The following PDE3A variants were observed in gnomAD, a reference collection of about 807,000 sequenced individuals.
PDE3A encodes cGMP-inhibited 3',5'-cyclic phosphodiesterase 3A.
In PDE3A, 43 loss-of-function variants were observed where a neutral mutation model predicts 98.3. The observed-to-expected ratio is 0.44, with a 90% CI of 0.34 to 0.56. PDE3A has a LOEUF of 0.56. PDE3A is among the 20% of genes least tolerant of loss of function. The pLI, the probability that PDE3A is intolerant of heterozygous loss-of-function variation, is 0.01. For missense variants in PDE3A, 1,427 were observed against 1,440.7 expected (o/e 0.99, Z 0.15); for synonymous variants, 663 against 567.9 (o/e 1.17, Z -2.38).
chr12:20,511,122 TTTGG>T (rs766571307), intron 1 of PDE3A, among the ~76,000 whole-genome samples: 13 of 151,994 alleles, frequency 8.6e-5, no homozygotes, highest in Non-Finnish European at 1.6e-4. Flanking sequence ...ACATTTTCAG[TTTGG>T]TTGATGGCAT....
chr12:20,686,056 T>C lies in PDE3A; in HGVS notation c.*5785T>C, dbSNP rs1945952758. On this transcript the variant is annotated 3_prime_UTR_variant, in exon 16 of 16. Transcript: ENST00000359062. ...TCACATAATCAGAACTGTAAACTAC[T>C]GATTATTTTCATATACTCAGAGGCT... Among the ~76,000 whole-genome samples, 1 of 152,210 alleles carries C rather than the reference T, an allele frequency of 6.6e-6. No homozygotes were observed. The highest frequency in any genetic ancestry group is 2.4e-5 in the African/African-American group (1 of 41,468).
intron 1 of PDE3A, among the ~76,000 whole-genome samples, chr12:20,525,471 G>GC (rs926890124): frequency 2.7e-5 from 4 of 147,980 alleles, no homozygotes; most frequent in Non-Finnish European, 6.0e-5. Context: ...TTTGGTTGGG[G>GC]GGGGGGGCTT....
At chr12:20,661,767 G>A (rs1277657881) in intron 15 of PDE3A, among the ~76,000 whole-genome samples, 1 of 152,194 alleles carries the variant, frequency 6.6e-6, no homozygotes, top group Non-Finnish European at 1.5e-5. Context: ...GAAATGCTTG[G>A]ATGATCAGGC....
intron 8 of PDE3A, among the ~76,000 whole-genome samples, chr12:20,635,699 G>A (rs1194717760): frequency 6.7e-6 from 1 of 149,088 alleles, no homozygotes; most frequent in Admixed American, 6.7e-5. Context: ...GTTGCAGTGA[G>A]CTGAGATCAT....
intron 1 of PDE3A, among the ~76,000 whole-genome samples, chr12:20,467,170 G>T (rs569254828): frequency 6.6e-6 from 1 of 152,154 alleles, no homozygotes; most frequent in East Asian, 1.9e-4. Flanking sequence ...TGAGTTCTTA[G>T]TTATTGGTTG....
At chr12:20,442,923 G>T (rs1014505123) in intron 1 of PDE3A, among the ~76,000 whole-genome samples, 4 of 151,922 alleles carry the variant, frequency 2.6e-5, no homozygotes, top group Admixed American at 6.6e-5. Flanking sequence ...ACAGAAAATA[G>T]GTTGCATTAT....
intron 8 of PDE3A, among the ~76,000 whole-genome samples, chr12:20,635,836 C>T (rs936909162): frequency 1.3e-5 from 2 of 151,660 alleles, no homozygotes; most frequent in Non-Finnish European, 2.9e-5. Flanking sequence ...TGTATTACAG[C>T]CCTTCCCATA....
At chr12:20,445,859 C>A (rs996754205) in intron 1 of PDE3A, among the ~76,000 whole-genome samples, 1 of 152,030 alleles carries the variant, frequency 6.6e-6, no homozygotes, top group Non-Finnish European at 1.5e-5. Context: ...TCATTCATAC[C>A]GTACATCTCC....
intron 1 of PDE3A, among the ~76,000 whole-genome samples, chr12:20,544,277 A>G (rs1477418693): frequency 6.6e-6 from 1 of 151,402 alleles, no homozygotes; most frequent in Non-Finnish European, 1.5e-5. Flanking sequence ...ACAGAAATGA[A>G]AAATTTGTAT....
intron 10 of PDE3A, among the ~76,000 whole-genome samples, chr12:20,640,537 G>A (rs775571242): frequency 1.3e-5 from 2 of 151,964 alleles, no homozygotes; most frequent in Non-Finnish European, 2.9e-5. Context: ...ATGGAAAAAT[G>A]ATAAGAAACA....
rs1404141523 is a variant in PDE3A at position 20,548,416 on chromosome 12, AT to A, written c.961-8238del. The stretch of plus-strand genomic sequence containing the variant: ...AGTAATCATAAACTAGCCAGAGGGT[AT>A]TTTTTATAGATGGTGAGAGACAAAC... On this transcript the variant is annotated intron_variant, in intron 1 of 15. Coordinates refer to ENST00000359062, the MANE Select transcript of PDE3A (RefSeq NM_000921.5). Among the ~76,000 whole-genome samples, 8 of 152,142 alleles carry A rather than the reference AT, an allele frequency of 5.3e-5. No homozygotes were observed. The South Asian group carries it at 1.7e-3, about 31-fold the overall frequency.
chr12:20,581,049 A>T (rs1398753957), intron 2 of PDE3A, among the ~76,000 whole-genome samples: 4 of 152,252 alleles, frequency 2.6e-5, no homozygotes, highest in Non-Finnish European at 4.4e-5. Context: ...GAGATTTTCA[A>T]ACAACCTTTC....
chr12:20,673,528 T>G lies in PDE3A; in HGVS notation c.3185-6502T>G, dbSNP rs1027836906. Among the ~76,000 whole-genome samples the G allele has an allele frequency of 2.3e-4, 34 of 146,970 alleles. 1 individual carries two copies. Among genetic ancestry groups the G allele is most frequent in the Middle Eastern group, 6.4e-3 (2 of 314 alleles). Reference sequence around the variant, plus strand: ...TGGAATACTATGCAGCCATAAAAAATGATGAGTTCATGTCCTTTGTAGGGA... The same window carrying G: ...TGGAATACTATGCAGCCATAAAAAAGGATGAGTTCATGTCCTTTGTAGGGA... On this transcript the variant is annotated intron_variant, in intron 15 of 15. Coordinates refer to ENST00000359062, the MANE Select transcript of PDE3A (RefSeq NM_000921.5).
At chr12:20,370,573 A>G (rs1943454602) in intron 1 of PDE3A, among the ~76,000 whole-genome samples, 1 of 152,072 alleles carries the variant, frequency 6.6e-6, no homozygotes, top group South Asian at 2.1e-4. Context: ...TACTCTTTTC[A>G]GTACTCTTAC....
rs1009585881 is a variant in PDE3A, at chr12:20,552,951, G to A, written c.961-3709G>A. The A allele has an allele frequency of 2.5e-6, 4 of 1,571,882 alleles. No homozygotes were observed. In the African/African-American group the frequency reaches 5.4e-5, roughly 21 times the overall value. ...TGGGCCGCAGCTATGCCATGCAGGT[G>A]AACCAGCCTCTGCAGACCGTCCTCA... On this transcript the variant is annotated intron_variant, in intron 1 of 15. Transcript: ENST00000359062. The surrounding 1 kb of genome is among the most constrained non-coding windows in gnomAD (Gnocchi z 5.1).
At chr12:20,611,440 G>A (rs184559598) in intron 2 of PDE3A, among the ~76,000 whole-genome samples, 370 of 151,516 alleles carry the variant, frequency 2.4e-3, no homozygotes, top group Non-Finnish European at 4.6e-3. Context: ...GTTTTTCACC[G>A]TACTGGTTCA....
chr12:20,512,590 G>A (rs748356066), intron 1 of PDE3A, among the ~76,000 whole-genome samples: 4 of 152,028 alleles, frequency 2.6e-5, no homozygotes, highest in Non-Finnish European at 5.9e-5. Context: ...TCCCAGAAAG[G>A]TTCTATGTGC....
chr12:20,592,386 C>A (rs1031636499), intron 2 of PDE3A, among the ~76,000 whole-genome samples: 1 of 152,112 alleles, frequency 6.6e-6, no homozygotes, highest in Non-Finnish European at 1.5e-5. Context: ...AAAAGGAATT[C>A]GAACACCATA....
intron 13 of PDE3A, among the ~76,000 whole-genome samples, chr12:20,650,191 T>C (rs1342913755): frequency 6.6e-6 from 1 of 152,148 alleles, no homozygotes; most frequent in Non-Finnish European, 1.5e-5. Context: ...ATAATTCAAT[T>C]ATTTTTGACA....
Sources: allele counts gnomAD v4.1 joint callset (sites outside exome capture counted in the v4.1 genomes callset), GRCh38; gene constraint gnomAD v4.1.1; non-coding constraint Gnocchi (gnomAD v3.1); transcripts MANE v1.5; gene names NCBI Gene and HGNC (gene_info 2026-07-23, HGNC 2026-07-21).